Variants in SLC5A11 observed in about 807,000 individuals in gnomAD.
SLC5A11 encodes sodium/myo-inositol cotransporter 2.
SLC5A11 carries 48 observed loss-of-function variants against 69.8 expected under a neutral mutation model. The observed-to-expected ratio is 0.69, with a 90% CI of 0.55 to 0.87. The LOEUF is 0.87. SLC5A11 is among the 40% of genes least tolerant of loss of function. SLC5A11 has a pLI of 0.00. For synonymous variants in SLC5A11, 319 were observed against 342.4 expected, an observed-to-expected ratio of 0.93 and a Z score of 0.75; for missense variants, 784 against 866.1, an observed-to-expected ratio of 0.91 and a Z score of 1.19.
In SLC5A11 at chr16:24,875,616, C is replaced by T; in HGVS notation, c.373-11C>T. 6.2e-7 allele frequency: 1 copy of T among 1,611,510 alleles called. No homozygotes were observed. The highest frequency in any genetic ancestry group is 1.3e-5 in the African/African-American group (1 of 74,960). ...GTCCGCTGGTGGTGAAATCTCAGCTCTGGCCCTCAGGTCACCACGATGCCA... is the reference window on the plus strand; with the variant it reads ...GTCCGCTGGTGGTGAAATCTCAGCTTTGGCCCTCAGGTCACCACGATGCCA... On this transcript the variant is annotated splice_polypyrimidine_tract_variant and intron_variant, in intron 5 of 15. Coordinates refer to ENST00000347898, the Ensembl canonical transcript of SLC5A11.
At position 24,873,510 on chromosome 16, in the gene SLC5A11, G is replaced by A. The variant is rs556127458; in HGVS notation, c.372+1291G>A. ...AAGAATTAGCTGAGACTGGTGGTGT[G>A]CACCTTTAGTCCCAGCTAGTCAGGA... On this transcript the variant is annotated intron_variant, in intron 5 of 15. Coordinates refer to ENST00000347898, the Ensembl canonical transcript of SLC5A11. Among the ~76,000 whole-genome samples the A allele has an allele frequency of 3.3e-5, 5 of 151,978 alleles. No individual in the cohort carries two copies. The East Asian group carries it at 7.8e-4, about 24-fold the overall frequency.
At chr16:24,876,386 T>C (rs1336579803) in intron 6 of SLC5A11, among the ~76,000 whole-genome samples, 2 of 152,080 alleles carry the variant, frequency 1.3e-5, no homozygotes, top group African/African-American at 4.8e-5. Context: ...AATTAGACAG[T>C]GATCAGCTGT....
At chr16:24,866,673 T>C (rs2046939716) in intron 3 of SLC5A11, among the ~76,000 whole-genome samples, 1 of 150,462 alleles carries the variant, frequency 6.6e-6, no homozygotes, top group Admixed American at 6.6e-5. Context: ...ATGTTGAAAG[T>C]AAAAAGATGG....
At chr16:24,908,530 A>C (rs1892286684) in intron 13 of SLC5A11, among the ~76,000 whole-genome samples, 1 of 144,278 alleles carries the variant, frequency 6.9e-6, no homozygotes, top group Admixed American at 7.2e-5. Flanking sequence ...CCTGGGGGGC[A>C]GAGGTTGCAG....
chr16:24,877,578 G>A (rs776096017), intron 7 of SLC5A11, among the ~76,000 whole-genome samples: 18 of 152,276 alleles, frequency 1.2e-4, no homozygotes, highest in Middle Eastern at 3.4e-3. Context: ...GGTTGGGCTC[G>A]GTGGCTCATG....
At chr16:24,911,215 G>T in intron 15 of SLC5A11, 113 bp from the exon 17 acceptor site, 1 of 927,974 alleles carries the variant, frequency 1.1e-6, no homozygotes, top group Non-Finnish European at 1.7e-6. Flanking sequence ...ATAGTGGATG[G>T]TGGTTCACGC....
intron 1 of SLC5A11, among the ~76,000 whole-genome samples, chr16:24,847,198 T>G (rs2059058128): frequency 6.7e-6 from 1 of 149,572 alleles, no homozygotes. Flanking sequence ...CTTCTTTCTT[T>G]TATTTCTTTC....
chr16:24,853,730 G>A (rs1482519835), intron 1 of SLC5A11, among the ~76,000 whole-genome samples: 1 of 152,204 alleles, frequency 6.6e-6, no homozygotes, highest in Non-Finnish European at 1.5e-5. Flanking sequence ...TTCCCCTCTT[G>A]TGCCTCTGAT....
intron 3 of SLC5A11, among the ~76,000 whole-genome samples, chr16:24,864,076 T>C (rs1215778170): frequency 6.6e-6 from 1 of 152,194 alleles, no homozygotes; most frequent in Non-Finnish European, 1.5e-5. Flanking sequence ...TGGCAAATAA[T>C]ATTCTAGTAA....
At position 24,861,678 on chromosome 16, in the gene SLC5A11, A is replaced by G. The variant is rs191591028; in HGVS notation, c.136-923A>G. 3.8e-3 allele frequency among the ~76,000 whole-genome samples: 534 copies of G among 139,156 alleles called. 3 individuals are homozygous for G. Among genetic ancestry groups the G allele is most frequent in the African/African-American group, 0.014 (484 of 35,836 alleles). 91.3% of individuals were successfully genotyped at this position (139,156 alleles called of 152,430 possible). ...AGAAAGAAAAAGAAAGAAAGGAAGG[A>G]AGGGAGGGAGGAAGGAAGGGAGGGA... On this transcript the variant is annotated intron_variant, in intron 2 of 15. Transcript: ENST00000347898.
chr16:24,868,937 G>C (rs950073809), intron 3 of SLC5A11, among the ~76,000 whole-genome samples: 1 of 149,064 alleles, frequency 6.7e-6, no homozygotes, highest in African/African-American at 2.5e-5. Flanking sequence ...GTGCAATCTC[G>C]GCTCGTTGCA....
chr16:24,895,667 T>G lies in SLC5A11; in HGVS notation c.871-2307T>G, dbSNP rs187800554. The stretch of plus-strand genomic sequence containing the variant: ...AGCCAGCTTGTGACCGGAGCTTTTT[T>G]GAATTCTGACCGGCTGAATGTGCTG... On this transcript the variant is annotated intron_variant, in intron 9 of 15. Coordinates refer to ENST00000347898, the Ensembl canonical transcript of SLC5A11. Among the ~76,000 whole-genome samples the G allele has an allele frequency of 9.5e-4, 144 of 152,136 alleles. 2 individuals carry two copies. Among genetic ancestry groups the G allele is most frequent in the African/African-American group, 3.1e-3 (128 of 41,494 alleles).
At chr16:24,897,547 G>A (rs757717535) in intron 9 of SLC5A11, among the ~76,000 whole-genome samples, 4 of 152,140 alleles carry the variant, frequency 2.6e-5, no homozygotes, top group East Asian at 1.9e-4. Flanking sequence ...TACACACCCC[G>A]TTTGCCTTAA....
chr16:24,875,565 T>TC (rs2047613821), intron 5 of SLC5A11, 62 bp from the exon 7 acceptor site: 9 of 1,341,184 alleles, frequency 6.7e-6, no homozygotes, highest in South Asian at 2.5e-5. Flanking sequence ...AGGGCTTGTG[T>TC]GGGGGGGTCA....
intron 3 of SLC5A11, 86 bp from the exon 5 acceptor site, chr16:24,869,815 C>T (rs1455128207): frequency 3.2e-6 from 3 of 949,500 alleles, no homozygotes; most frequent in Non-Finnish European, 3.4e-6. Context: ...TCTTCTCTGT[C>T]CCTTTGGAGC....
chr16:24,907,057 G>T, exon 12 of SLC5A11: 1 of 1,614,146 alleles, frequency 6.2e-7, no homozygotes, highest in Non-Finnish European at 8.5e-7. Flanking sequence ...TGTGATGGTG[G>T]CGGCTCTCAT....
chr16:24,910,390 C>T (rs949911302), exon 15 of SLC5A11: 15 of 1,614,164 alleles, frequency 9.3e-6, no homozygotes, highest in Middle Eastern at 1.6e-4. Flanking sequence ...GTCTCTTACC[C>T]TCTCTCAGAA....
intron 3 of SLC5A11, among the ~76,000 whole-genome samples, chr16:24,868,898 G>C (rs1162388113): frequency 2.1e-5 from 3 of 143,928 alleles, no homozygotes; most frequent in Non-Finnish European, 3.0e-5. Context: ...TTGAGACGGA[G>C]TCTCTGTCGT....
chr16:24,899,045 A>T (rs274093), intron 10 of SLC5A11, among the ~76,000 whole-genome samples: 31,595 of 151,194 alleles, frequency 0.21, 4,007 homozygotes, highest in South Asian at 0.42. Flanking sequence ...CTCAAACTCC[A>T]GGCCTCAAGC....
Sources: gnomAD v4.1 joint callset for allele counts (sites outside exome capture counted in the v4.1 genomes callset) on GRCh38, gnomAD v4.1.1 for gene constraint, MANE v1.5 for transcripts, NCBI Gene and HGNC (gene_info 2026-07-23, HGNC 2026-07-21) for gene names.